Variants in PDE4A observed in about 807,000 individuals in gnomAD.
The protein encoded by PDE4A is 3',5'-cyclic-AMP phosphodiesterase 4A.
In PDE4A, 21 loss-of-function variants were observed where a neutral mutation model predicts 73.9. The observed-to-expected ratio is 0.28, with a 90% CI of 0.20 to 0.41. PDE4A has a LOEUF of 0.41. PDE4A is among the 10% of genes least tolerant of loss of function. The pLI is 1.00. For missense variants in PDE4A, 958 were observed against 1,211.4 expected (o/e 0.79, Z 3.10); for synonymous variants, 463 against 505.4 (o/e 0.92, Z 1.13).
intron 1 of PDE4A, chr19:10,427,453 A>C (rs1222668520): frequency 3.1e-6 from 3 of 975,644 alleles, no homozygotes; most frequent in East Asian, 2.3e-4. Context: ...GAGGCAGTGG[A>C]AAAAAAGGAG....
intron 1 of PDE4A, among the ~76,000 whole-genome samples, chr19:10,437,919 C>T (rs2042886815): frequency 6.6e-6 from 1 of 151,420 alleles, no homozygotes; most frequent in East Asian, 1.9e-4. Flanking sequence ...ATCCTCCCAC[C>T]TCAGCCTCCT....
In PDE4A at chr19:10,467,635, G is replaced by C; in HGVS notation, c.*14G>C. 1 of 1,527,624 alleles carries C rather than the reference G, an allele frequency of 6.5e-7. No homozygotes were observed. The highest frequency in any genetic ancestry group is 8.8e-7 in the Non-Finnish European group (1 of 1,136,284). The allele number at this position is 1,527,624 out of a possible 1,614,324, so 94.6% of individuals were successfully genotyped here. A position where few individuals can be genotyped will look rare whatever the true frequency, so the allele number is the denominator to read the frequency against. ...GACCCTACCTGATCCCCAGACCTCT[G>C]TCCCTGTTCCCCTCCACTCCTCCCC... On this transcript the variant is annotated 3_prime_UTR_variant, in exon 15 of 15. Transcript: ENST00000380702.
At chr19:10,461,391 T>A (rs1248632202) in intron 11 of PDE4A, 135 bp from the exon 12 acceptor site, 2 of 1,345,126 alleles carry the variant, frequency 1.5e-6, no homozygotes, top group Non-Finnish European at 1.9e-6. Context: ...ATGGCCGGGC[T>A]GGGGTAGAGC....
intron 11 of PDE4A, 140 bp from the exon 12 acceptor site, chr19:10,461,386 C>T (rs1386917053): frequency 5.1e-6 from 7 of 1,360,674 alleles, no homozygotes; most frequent in Middle Eastern, 2.8e-4. Context: ...AGGGGATGGC[C>T]GGGCTGGGGT....
chr19:10,448,831 C>A (rs1446238345), intron 2 of PDE4A, 86 bp from the exon 3 acceptor site: 3 of 1,594,768 alleles, frequency 1.9e-6, no homozygotes, highest in Non-Finnish European at 2.6e-6. Context: ...TCCCTCTCAG[C>A]CTCCCTGGGT....
rs747159952 is a variant in PDE4A at position 10,463,999 on chromosome 19, A to C, written c.1926+24A>C. On this transcript the variant is annotated intron_variant, in intron 14 of 14. Coordinates refer to ENST00000380702, the MANE Select transcript of PDE4A (RefSeq NM_001111307.2). ...AGGTACAGGCTCGGGGCATTGATGG[A>C]CGGGCACAGGGTGAGTCTCCCCAGC... 1.7e-5 allele frequency: 27 copies of C among 1,613,492 alleles called. No homozygotes were observed. In the South Asian group the frequency reaches 2.9e-4, roughly 17 times the overall value.
intron 2 of PDE4A, among the ~76,000 whole-genome samples, chr19:10,447,716 C>T (rs1158332588): frequency 1.3e-5 from 2 of 152,184 alleles, no homozygotes; most frequent in South Asian, 2.1e-4. Context: ...AGTGCCCACC[C>T]ACTGTATCCT....
rs751333312 is a variant in PDE4A, at chr19:10,431,098, G to C, written c.320+10014G>C. On this transcript the variant is annotated intron_variant, in intron 1 of 14. Transcript: ENST00000380702. ...TGGGCTGGGGCTGGGTAAGTGCAGC[G>C]CTGGTGGCCGTGGGTTCAAGTCGCC... 2.0e-6 allele frequency: 3 copies of C among 1,496,646 alleles called. No homozygotes were observed. The Admixed American group carries it at 6.7e-5, about 33-fold the overall frequency. 92.7% of individuals were successfully genotyped at this position (1,496,646 alleles called of 1,614,324 possible).
At position 10,426,012 on chromosome 19, in the gene PDE4A, A is replaced by AAAG. The variant is rs58606489; in HGVS notation, c.320+4929_320+4930insAGA. On this transcript the variant is annotated intron_variant, in intron 1 of 14. Transcript: ENST00000380702. ...AAAAAAAAAAAAAAAAAAAAAAAAA[A>AAAG]AGGAAGGAGGGAAGGAAGGAAAGAA... Among the ~76,000 whole-genome samples, 445 of 140,646 alleles carry AAAG rather than the reference A, an allele frequency of 3.2e-3. 22 individuals carry two copies. Among genetic ancestry groups the AAAG allele is most frequent in the African/African-American group, 0.012 (436 of 35,436 alleles). 92.3% of individuals were successfully genotyped at this position (140,646 alleles called of 152,430 possible).
upstream of PDE4A, chr19:10,416,793 A>G: frequency 6.6e-7 from 1 of 1,518,680 alleles, no homozygotes; most frequent in African/African-American, 1.4e-5. Flanking sequence ...CAGGAGAGGC[A>G]ATAGGCAAGT....
chr19:10,420,456 GGGGGCGGGGA>G, upstream of PDE4A: 2 of 880,870 alleles, frequency 2.3e-6, no homozygotes, highest in Non-Finnish European at 2.7e-6. This position sits in a 1 kb window ranked among gnomAD's most constrained non-coding sequence, Gnocchi z 6.0. Context: ...GCGGCGGGCG[GGGGGCGGGGA>G]GGGGCGGGAC....
chr19:10,428,851 T>C (rs1223538434), intron 1 of PDE4A: 2 of 985,254 alleles, frequency 2.0e-6, no homozygotes, highest in African/African-American at 1.7e-5. Context: ...AGAGATTCAC[T>C]GTTGGGCGCA....
upstream of PDE4A, chr19:10,417,707 C>A: frequency 6.3e-7 from 1 of 1,594,564 alleles, no homozygotes; most frequent in Non-Finnish European, 8.5e-7. Context: ...TGCTGGGGGC[C>A]GACCTGCGTC....
chr19:10,467,152 A>T lies in PDE4A; in HGVS notation c.2192A>T (p.Gln731Leu). The T allele has an allele frequency of 2.5e-6, 4 of 1,614,194 alleles. No homozygotes were observed. In the South Asian group the frequency reaches 4.4e-5, roughly 18 times the overall value. ...ISMAQIPCTA[Q>L]EALTAQGLSG... ...ATGGCCCAGATACCGTGCACAGCCC[A>T]AGAGGCATTGACTGCGCAGGGATTG... is the stretch of plus-strand genomic sequence containing the variant. Residue 731 changes from glutamine to leucine, a missense_variant, in exon 15 of 15, where the codon CAA becomes CTA. Around this residue, in one of 3 missense-constraint regions of PDE4A, gnomAD observed 243 missense variants for 245.9 expected, o/e 0.99. Coordinates refer to ENST00000380702, the MANE Select transcript of PDE4A (RefSeq NM_001111307.2).
At chr19:10,450,971 C>G in intron 6 of PDE4A, 30 bp downstream of exon 6, 205 of 1,284,190 alleles carry the variant, frequency 1.6e-4, no homozygotes, top group Middle Eastern at 4.1e-4. Context: ...AACCCCTGGG[C>G]GGGGCAGGCG....
intron 1 of PDE4A, chr19:10,430,846 T>G (rs2042778075): frequency 3.4e-6 from 4 of 1,191,958 alleles, no homozygotes; most frequent in Non-Finnish European, 4.2e-6. Context: ...CCCGCGGCCA[T>G]GGCGCGGCCG....
At chr19:10,430,137 T>C (rs1364358387) in intron 1 of PDE4A, among the ~76,000 whole-genome samples, 1 of 151,948 alleles carries the variant, frequency 6.6e-6, no homozygotes, top group Non-Finnish European at 1.5e-5. Context: ...TCTGAGGAAC[T>C]GTGGTGGGGG....
rs984370423 is a variant in PDE4A, at chr19:10,438,767, C to T, written c.321-7451C>T. Among the ~76,000 whole-genome samples the T allele has an allele frequency of 7.9e-5, 12 of 152,124 alleles. No homozygotes were observed. In the South Asian group the frequency reaches 1.0e-3, roughly 13 times the overall value. On this transcript the variant is annotated intron_variant, in intron 1 of 14. Transcript: ENST00000380702. ...GATTACAGGCATGTGCCACCACGCC[C>T]GGCTAATTTTGTATTTTTAGTAGAG...
upstream of PDE4A, chr19:10,417,885 G>C (rs1165943441): frequency 5.2e-6 from 8 of 1,543,046 alleles, no homozygotes; most frequent in East Asian, 1.4e-4. Flanking sequence ...AGAGGGAGCA[G>C]AGTGGGAGGT....
Sources: allele counts gnomAD v4.1 joint callset (sites outside exome capture counted in the v4.1 genomes callset), GRCh38; gene constraint gnomAD v4.1.1; regional missense constraint gnomAD v4.1.1; non-coding constraint Gnocchi (gnomAD v3.1); transcripts MANE v1.5; gene names NCBI Gene and HGNC (gene_info 2026-07-23, HGNC 2026-07-21).